TET1: variants seen among roughly 807,000 people sequenced by gnomAD.
The protein encoded by TET1 is methylcytosine dioxygenase TET1.
In TET1, 13 loss-of-function variants were observed where a neutral mutation model predicts 148.7. The ratio of observed to expected loss-of-function variants is 0.09; its 90% CI spans 0.06 to 0.14. TET1 has a LOEUF of 0.14. TET1 is among the 10% of genes least tolerant of loss of function. The probability of loss-of-function intolerance (pLI) is 1.00; values close to 1 mark genes in which losing one functional copy is unlikely to be tolerated. For synonymous variants in TET1, 907 were observed against 937.2 expected (o/e 0.97, Z 0.59); for missense variants, 2,182 against 2,553.8 (o/e 0.85, Z 3.14).
chr10:68,564,971 G>A (rs746119465), intron 1 of TET1, among the ~76,000 whole-genome samples: 1 of 152,048 alleles, frequency 6.6e-6, no homozygotes, highest in Non-Finnish European at 1.5e-5. Context: ...TATAGTTAGC[G>A]ATGATCACAG....
chr10:68,600,905 G>A (rs2054046744), intron 2 of TET1, 76 bp from the exon 3 acceptor site: 5 of 1,316,898 alleles, frequency 3.8e-6, no homozygotes, highest in Non-Finnish European at 5.4e-6. Flanking sequence ...CAGAGAAATA[G>A]CCAAAAATTT....
chr10:68,662,945 A>T (rs1476311280), intron 6 of TET1, among the ~76,000 whole-genome samples: 3 of 152,200 alleles, frequency 2.0e-5, no homozygotes, highest in Non-Finnish European at 4.4e-5. Context: ...AACAAAACAA[A>T]AAAAGAACAG....
chr10:68,610,807 C>A (rs2054197934), intron 3 of TET1, among the ~76,000 whole-genome samples: 1 of 151,914 alleles, frequency 6.6e-6, no homozygotes, highest in Non-Finnish European at 1.5e-5. Context: ...AGGTGTGCAC[C>A]ACCAATCCCG....
rs562849750 is a variant in TET1, at chr10:68,694,095, A to G, written c.*2281A>G. On this transcript the variant is annotated 3_prime_UTR_variant, in exon 12 of 12. Coordinates refer to ENST00000373644, the MANE Select transcript of TET1 (RefSeq NM_030625.3). ...GTAATTCAAATTGATCTCTCTCTCA[A>G]TAGGTTTCTTAACAATCTAAACTTG... The G allele has an allele frequency of 2.0e-4, 47 of 232,418 alleles. No homozygotes were observed. The highest frequency in any genetic ancestry group is 9.9e-4 in the African/African-American group (45 of 45,452). 14.4% of individuals were successfully genotyped at this position (232,418 alleles called of 1,614,324 possible). A position where few individuals can be genotyped will look rare whatever the true frequency, so the allele number is the denominator to read the frequency against.
At position 68,561,092 on chromosome 10, in the gene TET1, G is replaced by T. The variant is rs566087261; in HGVS notation, c.-123+350G>T. Reference sequence around the variant, plus strand: ...GGCTGGGGGAGGGCAAGTGTGGCGTGGGGGAGATGGCTGAATATACCAGCG... The same window carrying T: ...GGCTGGGGGAGGGCAAGTGTGGCGTTGGGGAGATGGCTGAATATACCAGCG... On this transcript the variant is annotated intron_variant, in intron 1 of 11. Transcript: ENST00000373644. Among the ~76,000 whole-genome samples, 3 of 152,268 alleles carry T rather than the reference G, an allele frequency of 2.0e-5. No homozygotes were observed. The South Asian group carries it at 6.2e-4, about 32-fold the overall frequency.
chr10:68,562,236 A>C (rs1192443246), intron 1 of TET1, among the ~76,000 whole-genome samples: 2 of 152,110 alleles, frequency 1.3e-5, no homozygotes, highest in African/African-American at 2.4e-5. Flanking sequence ...AAATAAAAGC[A>C]ATGGTTTAAT....
chr10:68,586,676 A>C (rs1182843410), intron 2 of TET1, among the ~76,000 whole-genome samples: 2 of 151,458 alleles, frequency 1.3e-5, no homozygotes, highest in East Asian at 3.9e-4. Flanking sequence ...GAAGGAATGC[A>C]ATTGAATATT....
intron 3 of TET1, among the ~76,000 whole-genome samples, chr10:68,640,354 G>A (rs1392503166): frequency 1.4e-5 from 2 of 146,770 alleles, no homozygotes; most frequent in East Asian, 2.0e-4. Flanking sequence ...ACCTCTGCCC[G>A]CCAGGTTCAA....
chr10:68,569,349 T>C (rs2053642132), intron 1 of TET1, among the ~76,000 whole-genome samples: 1 of 151,914 alleles, frequency 6.6e-6, no homozygotes, highest in Non-Finnish European at 1.5e-5. Flanking sequence ...ATATTTTTTG[T>C]ATTTTTAGTA....
chr10:68,570,024 G>A (rs988353083), intron 1 of TET1, among the ~76,000 whole-genome samples: 9 of 152,058 alleles, frequency 5.9e-5, no homozygotes, highest in Non-Finnish European at 1.2e-4. Context: ...TGTTACATGG[G>A]CATATTGTGT....
At chr10:68,686,766 CT>C in intron 11 of TET1, 59 bp downstream of exon 11, 1 of 1,461,928 alleles carries the variant, frequency 6.8e-7, no homozygotes, top group African/African-American at 1.4e-5. Flanking sequence ...TGTGTTTGGA[CT>C]TTGCCTTGCC....
intron 3 of TET1, among the ~76,000 whole-genome samples, chr10:68,611,842 G>C (rs1179406746): frequency 1.8e-4 from 26 of 141,144 alleles, no homozygotes; most frequent in African/African-American, 2.6e-4. Flanking sequence ...CTCGGGAGGT[G>C]GGGGGGGTGG....
intron 2 of TET1, among the ~76,000 whole-genome samples, chr10:68,575,938 T>G (rs1464671284): frequency 6.7e-6 from 1 of 149,574 alleles, no homozygotes; most frequent in Admixed American, 6.7e-5. Flanking sequence ...GAGAATGGCG[T>G]GAACCCGGGA....
At chr10:68,568,310 C>T (rs1312104420) in intron 1 of TET1, among the ~76,000 whole-genome samples, 2 of 148,866 alleles carry the variant, frequency 1.3e-5, no homozygotes, top group Non-Finnish European at 3.0e-5. Context: ...GCAACCTCCA[C>T]CTCTCTGGTT....
At chr10:68,644,214 T>G (rs1190513943) in intron 3 of TET1, among the ~76,000 whole-genome samples, 1 of 151,964 alleles carries the variant, frequency 6.6e-6, no homozygotes, top group Non-Finnish European at 1.5e-5. Context: ...TTGATTTTGT[T>G]TCTTGGAGAA....
rs2054714127 is a variant in TET1, at chr10:68,639,736, GAAT to G, written c.1969-4960_1969-4958del. Among the ~76,000 whole-genome samples the G allele has an allele frequency of 2.0e-5, 3 of 152,208 alleles. No homozygotes were observed. The South Asian group carries it at 6.2e-4, about 32-fold the overall frequency. ...CTGCCACGGCCTTCCAAAGTGCTGG[GAAT>G]ACAGGCGTGAGCCACCATGCCCCGC... On this transcript the variant is annotated intron_variant, in intron 3 of 11. Coordinates refer to ENST00000373644, the MANE Select transcript of TET1 (RefSeq NM_030625.3).
At chr10:68,593,204 C>T (rs944518516) in intron 2 of TET1, among the ~76,000 whole-genome samples, 1 of 137,004 alleles carries the variant, frequency 7.3e-6, no homozygotes, top group Non-Finnish European at 1.5e-5. Flanking sequence ...TGCACTCCAG[C>T]CTGGCGAGAG....
In TET1 at chr10:68,572,797, A is replaced by C. The variant is rs767325696; in HGVS notation, c.459A>C (p.Ser153=). 1 of 1,614,238 alleles carries C rather than the reference A, an allele frequency of 6.2e-7. No homozygotes were observed. Among genetic ancestry groups the C allele is most frequent in the Admixed American group, 1.7e-5 (1 of 60,016 alleles). Residue 153 remains serine (S), a synonymous_variant, in exon 2 of 12, where the codon TCA becomes TCC. Transcript: ENST00000373644. ...KILPALGVKH[S]ENDSVPMQDT... ...TCCCTGCTTTGGGAGTAAAGCACTC[A>C]GAAAATGATTCGGTTCCAATGCAAG...
intron 1 of TET1, among the ~76,000 whole-genome samples, chr10:68,567,235 A>G (rs1484330304): frequency 6.6e-6 from 1 of 152,200 alleles, no homozygotes; most frequent in Non-Finnish European, 1.5e-5. Flanking sequence ...ACATGGACTC[A>G]GCTAAGTAGT....
Sources: allele counts gnomAD v4.1 joint callset (sites outside exome capture counted in the v4.1 genomes callset), GRCh38; gene constraint gnomAD v4.1.1; transcripts MANE v1.5; gene names NCBI Gene and HGNC (gene_info 2026-07-23, HGNC 2026-07-21).